CDK5RAP3: variants seen among roughly 807,000 people sequenced by gnomAD.
The protein encoded by CDK5RAP3 is CDK5 regulatory subunit-associated protein 3.
A neutral mutation model predicts 73.3 loss-of-function variants in CDK5RAP3; 58 were observed. That is an observed-to-expected ratio of 0.79 (90% CI 0.64 to 0.98). CDK5RAP3 has a LOEUF of 0.98. Among genes scored for constraint, CDK5RAP3 ranks in the 50% least tolerant of loss-of-function variants. The pLI is 0.00. For missense variants in CDK5RAP3, 525 were observed against 615.8 expected (o/e 0.85, Z 1.56); for synonymous variants, 224 against 247.5 (o/e 0.91, Z 0.89).
At chr17:47,974,978 T>G (rs1004705227) in intron 5 of CDK5RAP3, 181 bp from the exon 6 acceptor site, 2 of 1,473,816 alleles carry the variant, frequency 1.4e-6, no homozygotes, top group African/African-American at 2.8e-5. Context: ...TGTCGCTGTT[T>G]TACCGATGAG....
chr17:47,974,073 T>C, intron 4 of CDK5RAP3, 42 bp downstream of exon 4: 2 of 1,393,110 alleles, frequency 1.4e-6, no homozygotes, highest in Non-Finnish European at 2.0e-6. Flanking sequence ...GTTGGGGACA[T>C]CCAATCCGAG....
intron 5 of CDK5RAP3, 90 bp from the exon 6 acceptor site, chr17:47,975,069 C>G (rs769560238): frequency 6.2e-7 from 1 of 1,611,916 alleles, no homozygotes; most frequent in South Asian, 1.1e-5. Flanking sequence ...ACTTCGTGCT[C>G]TTCACCACCA....
chr17:47,978,069 GTT>G (rs71366815), intron 10 of CDK5RAP3, 159 bp downstream of exon 10: 1,583 of 296,102 alleles, frequency 5.3e-3, no homozygotes, highest in South Asian at 8.9e-3. Context: ...ACCAAGAGAG[GTT>G]TTTTTTTTTT....
Position 47,975,244 on chromosome 17 carries a change from G to A in CDK5RAP3, c.420G>A (p.Gln140=), listed in dbSNP as rs764290238. The part of the protein sequence containing the change: ...KKQIAKCQQL[Q]QEYSRKEEEC... Reference sequence around the variant, plus strand: ...AGATTGCCAAGTGCCAGCAGCTGCAGCAAGAATACAGCCGCAAGGAGGAGG... The same window carrying A: ...AGATTGCCAAGTGCCAGCAGCTGCAACAAGAATACAGCCGCAAGGAGGAGG... The change falls in exon 6 of 14, where the codon CAG becomes CAA. Residue 140 remains glutamine (Q), a synonymous_variant. Transcript: ENST00000338399. 3.7e-6 allele frequency: 6 copies of A among 1,614,076 alleles called. No individual in the cohort carries two copies. The East Asian group carries it at 1.1e-4, about 30-fold the overall frequency.
At chr17:47,974,656 G>A (rs565695218) in intron 5 of CDK5RAP3, 18 of 1,394,168 alleles carry the variant, frequency 1.3e-5, no homozygotes, top group Admixed American at 2.9e-5. Flanking sequence ...GGTCCAGGCC[G>A]GTAGTGGCCA....
upstream of CDK5RAP3, among the ~76,000 whole-genome samples, chr17:47,969,811 T>TG (rs1429066440): frequency 1.3e-5 from 2 of 152,136 alleles, no homozygotes; most frequent in Non-Finnish European, 2.9e-5. Flanking sequence ...ACTTTCCATC[T>TG]GGGGGTCTCC....
intron 6 of CDK5RAP3, 72 bp from the exon 7 acceptor site, chr17:47,975,442 G>A: frequency 1.2e-6 from 2 of 1,608,830 alleles, no homozygotes; most frequent in South Asian, 2.2e-5. Flanking sequence ...CTTTGGGCCA[G>A]TGTCTTACTT....
intron 12 of CDK5RAP3, 134 bp downstream of exon 12, chr17:47,980,932 C>A: frequency 2.0e-6 from 2 of 982,180 alleles, no homozygotes; most frequent in Non-Finnish European, 3.1e-6. Flanking sequence ...GATAGGGGTT[C>A]TCTTTGGGAC....
At chr17:47,969,578 A>G (rs894433356), upstream of CDK5RAP3, among the ~76,000 whole-genome samples, 7 of 143,024 alleles carry the variant, frequency 4.9e-5, no homozygotes, top group East Asian at 2.1e-4. Flanking sequence ...AAAAAAAAAA[A>G]AAAAAAGAAA....
rs2036531515 is a variant in CDK5RAP3 at position 47,980,686 on chromosome 17, C to T, written c.1171C>T (p.Gln391Ter). 1 of 1,614,032 alleles carries T rather than the reference C, an allele frequency of 6.2e-7. No individual in the cohort carries two copies. The highest frequency in any genetic ancestry group is 8.5e-7 in the Non-Finnish European group (1 of 1,180,022). Residue 391 changes from glutamine to a stop codon, truncating the protein, a stop_gained, in exon 12 of 14, where the codon CAG becomes TAG. Transcript: ENST00000338399. LOFTEE classifies it high-confidence loss of function. Reference protein sequence around the residue: ...SQFQLAPAILQGQTKEKMVTM... With the variant: ...SQFQLAPAIL ...GTTCCAGCTGGCTCCAGCCATCCTG[C>T]AGGGCCAGACCAAAGAGAAGATGGT...
At chr17:47,971,046 G>A (rs2285860), upstream of CDK5RAP3, 2,167 of 1,543,664 alleles carry the variant, frequency 1.4e-3, 3 homozygotes, top group Non-Finnish European at 1.8e-3. Context: ...GCCGAAGGAT[G>A]CCCGTTTGTG....
chr17:47,981,417 A>C lies in CDK5RAP3; in HGVS notation c.1456-20A>C, dbSNP rs772567410. 4 of 1,614,226 alleles carry C rather than the reference A, an allele frequency of 2.5e-6. No homozygotes were observed. The highest frequency in any genetic ancestry group is 3.4e-6 in the Non-Finnish European group (4 of 1,180,024). Reference sequence around the variant, plus strand: ...GCCCTGAGCACCCCTGCTTCTGCCCACTTGGTATCACTCTTTCAGATTGAA... The same window carrying C: ...GCCCTGAGCACCCCTGCTTCTGCCCCCTTGGTATCACTCTTTCAGATTGAA... On this transcript the variant is annotated intron_variant, in intron 13 of 13. Coordinates refer to ENST00000338399, the MANE Select transcript of CDK5RAP3 (RefSeq NM_176096.3).
At chr17:47,974,828 C>G in intron 5 of CDK5RAP3, 1 of 1,266,450 alleles carries the variant, frequency 7.9e-7, no homozygotes, top group South Asian at 1.6e-5. Context: ...CTGAGAGCAA[C>G]TACAGGACTA....
chr17:47,972,404 C>A (rs2144212707), intron 2 of CDK5RAP3, among the ~76,000 whole-genome samples: 1 of 152,320 alleles, frequency 6.6e-6, no homozygotes, highest in Non-Finnish European at 1.5e-5. Flanking sequence ...CAGAATTTTT[C>A]TTTCTGAAAA....
In CDK5RAP3 at chr17:47,981,649, T is replaced by C. The variant is rs2036560675; in HGVS notation, c.*147T>C. On this transcript the variant is annotated 3_prime_UTR_variant, in exon 14 of 14. Transcript: ENST00000338399. ...GGAAGGAAGCGGCACCTGATGGTGA[T>C]CTTGGCACTCTCCATGTTCTCTACA... is the stretch of plus-strand genomic sequence containing the variant. 3 of 1,548,394 alleles carry C rather than the reference T, an allele frequency of 1.9e-6. No homozygotes were observed. Among genetic ancestry groups the C allele is most frequent in the Non-Finnish European group, 2.6e-6 (3 of 1,151,274 alleles).
At chr17:47,971,020 G>T, upstream of CDK5RAP3, 1 of 1,517,544 alleles carries the variant, frequency 6.6e-7, no homozygotes, top group Non-Finnish European at 8.8e-7. Context: ...TTGGCTGTAC[G>T]GAAGGCGGCG....
At chr17:47,969,574 A>AG (rs2036223923), upstream of CDK5RAP3, among the ~76,000 whole-genome samples, 1 of 150,246 alleles carries the variant, frequency 6.7e-6, no homozygotes, top group Non-Finnish European at 1.5e-5. Flanking sequence ...AAAAAAAAAA[A>AG]AAAAAAAAAA....
intron 5 of CDK5RAP3, chr17:47,974,837 T>C (rs1360129978): frequency 3.9e-6 from 5 of 1,268,124 alleles, no homozygotes; most frequent in Non-Finnish European, 4.0e-6. Context: ...ACTACAGGAC[T>C]AACTGTGTTT....
chr17:47,973,768 A>G, intron 3 of CDK5RAP3, 118 bp downstream of exon 3: 1 of 1,362,006 alleles, frequency 7.3e-7, no homozygotes. Context: ...AGCGATTTTT[A>G]TTTGAGGTAT....
Sources: gnomAD v4.1 joint callset for allele counts (sites outside exome capture counted in the v4.1 genomes callset) on GRCh38, gnomAD v4.1.1 for gene constraint, MANE v1.5 for transcripts, NCBI Gene and HGNC (gene_info 2026-07-23, HGNC 2026-07-21) for gene names.